The following ST18 variants were observed in gnomAD, a reference collection of about 807,000 sequenced individuals.
ST18 encodes the protein ST18 C2H2C-type zinc finger transcription factor.
ST18 carries 50 observed loss-of-function variants against 110.0 expected under a neutral mutation model. That is an observed-to-expected ratio of 0.45 (90% CI 0.36 to 0.58). The LOEUF is 0.58. ST18 is among the 20% of genes least tolerant of loss of function. ST18 has a pLI of 0.00. For synonymous variants in ST18, 461 were observed against 452.4 expected (o/e 1.02, Z -0.24); for missense variants, 1,306 against 1,280.1 (o/e 1.02, Z -0.31).
At chr8:52,364,901 GGA>G (rs1368160439) in intron 2 of ST18, among the ~76,000 whole-genome samples, 1 of 152,164 alleles carries the variant, frequency 6.6e-6, no homozygotes, top group East Asian at 1.9e-4. Context: ...CCTGAGGTCA[GGA>G]GTTCATGACC....
At chr8:52,178,229 T>A (rs554277454) in intron 9 of ST18, among the ~76,000 whole-genome samples, 26 of 152,282 alleles carry the variant, frequency 1.7e-4, no homozygotes, top group African/African-American at 6.3e-4. Flanking sequence ...CTTAAACACT[T>A]GGCAAATTAA....
chr8:52,221,099 CTATCT>C (rs1430732693), intron 4 of ST18, among the ~76,000 whole-genome samples: 4 of 150,402 alleles, frequency 2.7e-5, no homozygotes, highest in African/African-American at 9.8e-5. Flanking sequence ...ATCTATCTAT[CTATCT>C]ATCTATCTAT....
intron 9 of ST18, among the ~76,000 whole-genome samples, chr8:52,178,643 ACC>A (rs1491211302): frequency 0.026 from 2,327 of 90,592 alleles, 331 homozygotes; most frequent in East Asian, 0.051. Context: ...AAAAAAAAAA[ACC>A]ACCAAAAACC....
intron 2 of ST18, among the ~76,000 whole-genome samples, chr8:52,277,081 C>T (rs1035723764): frequency 2.0e-5 from 3 of 152,188 alleles, no homozygotes; most frequent in Admixed American, 1.3e-4. Flanking sequence ...GCTATAAAAC[C>T]TTATGTTTCA....
chr8:52,323,488 CTCT>C (rs1804919395), intron 2 of ST18, among the ~76,000 whole-genome samples: 1 of 152,206 alleles, frequency 6.6e-6, no homozygotes, highest in African/African-American at 2.4e-5. Context: ...TCAAATACCT[CTCT>C]TCTTAAAGCT....
intron 14 of ST18, among the ~76,000 whole-genome samples, chr8:52,160,459 A>G (rs189710980): frequency 6.6e-6 from 1 of 152,348 alleles, no homozygotes; most frequent in Non-Finnish European, 1.5e-5. Context: ...TGAGGTAAAC[A>G]TTCTGTGCTC....
At chr8:52,327,177 A>C (rs1806871166) in intron 2 of ST18, among the ~76,000 whole-genome samples, 1 of 152,214 alleles carries the variant, frequency 6.6e-6, no homozygotes, top group Non-Finnish European at 1.5e-5. Flanking sequence ...CTGGTCATGT[A>C]CTCATAAGGA....
chr8:52,312,575 T>C (rs2095939385), intron 2 of ST18, among the ~76,000 whole-genome samples: 1 of 152,222 alleles, frequency 6.6e-6, no homozygotes, highest in Admixed American at 6.5e-5. Context: ...AGAAGAATGG[T>C]CAGATATAGT....
intron 2 of ST18, among the ~76,000 whole-genome samples, chr8:52,266,210 T>C (rs529883936): frequency 1.3e-5 from 2 of 152,330 alleles, no homozygotes; most frequent in East Asian, 1.9e-4. Context: ...TAAAATGCAA[T>C]GATCTGAGAG....
At chr8:52,347,310 A>G (rs1818213585) in intron 2 of ST18, among the ~76,000 whole-genome samples, 1 of 152,252 alleles carries the variant, frequency 6.6e-6, no homozygotes, top group Admixed American at 6.5e-5. Context: ...GAATGCAGAC[A>G]TTCCTCAACA....
intron 16 of ST18, among the ~76,000 whole-genome samples, chr8:52,144,565 G>C (rs1363125926): frequency 1.3e-5 from 2 of 151,988 alleles, no homozygotes; most frequent in South Asian, 4.1e-4. Flanking sequence ...TAAATACATT[G>C]GTACACTGTC....
rs548112964 is a variant in ST18 at position 52,288,707 on chromosome 8, A to T, written c.-464-58630T>A. 1.5e-4 allele frequency among the ~76,000 whole-genome samples: 23 copies of T among 152,174 alleles called. No individual in the cohort carries two copies. In the South Asian group the frequency reaches 3.9e-3, roughly 26 times the overall value. On this transcript the variant is annotated intron_variant, in intron 2 of 25. Transcript: ENST00000689386. ...AGACTCAGTCTCAAAAAATAAAAAAAAAAAAATAAAAGGAAAAAAGAAAAA... is the reference window on the plus strand; with the variant it reads ...AGACTCAGTCTCAAAAAATAAAAAATAAAAAATAAAAGGAAAAAAGAAAAA...
chr8:52,137,504 T>A (rs898155039), intron 17 of ST18, 21 bp from the exon 18 acceptor site: 4 of 1,612,998 alleles, frequency 2.5e-6, no homozygotes, highest in Non-Finnish European at 3.4e-6. Context: ...AGAAAATACA[T>A]CATTAGAGTC....
At position 52,189,139 on chromosome 8, in the gene ST18, A is replaced by G. The variant is rs186729485; in HGVS notation, c.87-8827T>C. The stretch of plus-strand genomic sequence containing the variant: ...TTCCATCTCCCCTCCTTGCCCCCAA[A>G]CAATAACCAACATCATCACACCACA... On this transcript the variant is annotated intron_variant, in intron 8 of 25. Transcript: ENST00000689386. Among the ~76,000 whole-genome samples, 21 of 152,280 alleles carry G rather than the reference A, an allele frequency of 1.4e-4. No individual in the cohort carries two copies. The East Asian group carries it at 2.1e-3, about 15-fold the overall frequency.
At chr8:52,260,944 T>C (rs1192615241) in intron 2 of ST18, among the ~76,000 whole-genome samples, 2 of 152,174 alleles carry the variant, frequency 1.3e-5, no homozygotes, top group Middle Eastern at 3.2e-3. Context: ...TGTAAATGTG[T>C]TTGAAATAAG....
At chr8:52,318,073 T>G (rs2096061758) in intron 2 of ST18, among the ~76,000 whole-genome samples, 1 of 152,132 alleles carries the variant, frequency 6.6e-6, no homozygotes, top group Non-Finnish European at 1.5e-5. Context: ...CAAAAGAAAC[T>G]ATCAATAGAG....
intron 9 of ST18, among the ~76,000 whole-genome samples, chr8:52,176,991 G>A (rs903314054): frequency 2.0e-5 from 3 of 152,182 alleles, no homozygotes; most frequent in African/African-American, 7.2e-5. Context: ...TTTGCTATTA[G>A]TTGAAAGATA....
intron 19 of ST18, among the ~76,000 whole-genome samples, chr8:52,134,713 G>A (rs1307017898): frequency 1.3e-5 from 2 of 151,830 alleles, no homozygotes; most frequent in African/African-American, 4.8e-5. Flanking sequence ...GACATAATAT[G>A]TATCTTCCAT....
chr8:52,326,130 C>T (rs994199282), intron 2 of ST18, among the ~76,000 whole-genome samples: 1 of 152,168 alleles, frequency 6.6e-6, no homozygotes, highest in Non-Finnish European at 1.5e-5. Context: ...AAACACAAGA[C>T]ACATTCTCAG....
Sources: gnomAD v4.1 joint callset for allele counts (sites outside exome capture counted in the v4.1 genomes callset) on GRCh38, gnomAD v4.1.1 for gene constraint, MANE v1.5 for transcripts, NCBI Gene and HGNC (gene_info 2026-07-23, HGNC 2026-07-21) for gene names.